The following AKT3 variants were observed in gnomAD, a reference collection of about 807,000 sequenced individuals.
AKT3 encodes RAC-gamma serine/threonine-protein kinase.
A neutral mutation model predicts 65.3 loss-of-function variants in AKT3; 15 were observed. The ratio of observed to expected loss-of-function variants is 0.23; its 90% CI spans 0.15 to 0.35. The LOEUF (loss-of-function observed/expected upper bound fraction) is 0.35, where lower values mean the gene tolerates loss of function less well. Ranked by LOEUF, AKT3 falls within the 10% of genes least tolerant of loss-of-function variation. The pLI is 1.00. For synonymous variants in AKT3, 206 were observed against 183.8 expected (o/e 1.12, Z -0.98); for missense variants, 243 against 576.5 (o/e 0.42, Z 5.92).
intron 13 of AKT3, among the ~76,000 whole-genome samples, chr1:243,491,531 G>A (rs1244040563): frequency 1.3e-5 from 2 of 152,222 alleles, no homozygotes; most frequent in Admixed American, 1.3e-4. Context: ...AGGGATCCAG[G>A]TTTGCAAGCT....
intron 1 of AKT3, among the ~76,000 whole-genome samples, chr1:243,845,572 C>T (rs1299160222): frequency 1.2e-5 from 1 of 85,836 alleles, no homozygotes. Context: ...CTGGGTGCTA[C>T]AGTGAGAACC....
chr1:243,566,244 C>T lies in AKT3; in HGVS notation c.820-2396G>A, dbSNP rs557117625. 7.2e-5 allele frequency among the ~76,000 whole-genome samples: 11 copies of T among 152,244 alleles called. No individual in the cohort carries two copies. The East Asian group carries it at 9.6e-4, about 13-fold the overall frequency. On this transcript the variant is annotated intron_variant, in intron 9 of 13. Transcript: ENST00000673466. ...TGACTTGCATCTAATTCTGTAACCTCGTATCTCATCTCTGAGCCTCAGATC... is the reference window on the plus strand; with the variant it reads ...TGACTTGCATCTAATTCTGTAACCTTGTATCTCATCTCTGAGCCTCAGATC...
intron 2 of AKT3, among the ~76,000 whole-genome samples, chr1:243,721,178 C>T (rs79433907): frequency 0.016 from 2,389 of 152,252 alleles, 32 homozygotes; most frequent in Middle Eastern, 0.034. Context: ...ACCTTTCTGT[C>T]TAGGAACTGG....
chr1:243,715,350 T>C (rs570739525), intron 2 of AKT3, among the ~76,000 whole-genome samples: 1 of 152,252 alleles, frequency 6.6e-6, no homozygotes, highest in East Asian at 1.9e-4. Flanking sequence ...ATGACCAATT[T>C]ACACCTTGGA....
chr1:243,796,593 TTTCTC>T (rs1161273637), intron 2 of AKT3, among the ~76,000 whole-genome samples: 1 of 152,160 alleles, frequency 6.6e-6, no homozygotes, highest in African/African-American at 2.4e-5. Flanking sequence ...TCCAGGCACT[TTTCTC>T]TACTATTAAT....
chr1:243,745,482 A>C (rs1688425417), intron 2 of AKT3, among the ~76,000 whole-genome samples: 1 of 152,228 alleles, frequency 6.6e-6, no homozygotes, highest in South Asian at 2.1e-4. Flanking sequence ...CTTATTTTAC[A>C]AAAACAGGAA....
chr1:243,673,861 C>CTGAG lies in AKT3; in HGVS notation c.173-8979_173-8978insCTCA, dbSNP rs1683322861. ...GTCTCTTGACCTCGTGATCCACCCA[C>CTGAG]CTCAGCCTACCAAAGTGCTGGGATT... On this transcript the variant is annotated intron_variant, in intron 3 of 13. Coordinates refer to ENST00000673466, the MANE Select transcript of AKT3 (RefSeq NM_005465.7). 2.0e-5 allele frequency among the ~76,000 whole-genome samples: 3 copies of CTGAG among 152,274 alleles called. No individual in the cohort carries two copies. In the South Asian group the frequency reaches 6.2e-4, roughly 32 times the overall value.
At chr1:243,694,872 TTAA>T (rs1455762485) in intron 3 of AKT3, among the ~76,000 whole-genome samples, 2 of 152,010 alleles carry the variant, frequency 1.3e-5, no homozygotes, top group African/African-American at 2.4e-5. Context: ...AGATTTTAGC[TTAA>T]TAATACAGAC....
chr1:243,613,226 TCTAC>T (rs1678035990), intron 8 of AKT3, among the ~76,000 whole-genome samples: 1 of 150,828 alleles, frequency 6.6e-6, no homozygotes, highest in Non-Finnish European at 1.5e-5. Flanking sequence ...GTCATAGTAC[TCTAC>T]TATAAAGAAG....
At chr1:243,505,956 G>A (rs1169761942) in intron 13 of AKT3, among the ~76,000 whole-genome samples, 1 of 152,232 alleles carries the variant, frequency 6.6e-6, no homozygotes, top group Non-Finnish European at 1.5e-5. Context: ...AGACTTGAAA[G>A]GCATCAAAAC....
In AKT3 at chr1:243,572,908, CTTTTT is replaced by C. The variant is rs66631932; in HGVS notation, c.819+13_819+17del. The C allele has an allele frequency of 6.6e-6, 10 of 1,504,390 alleles. No individual in the cohort carries two copies. Among genetic ancestry groups the C allele is most frequent in the Admixed American group, 2.0e-5 (1 of 49,300 alleles). 93.2% of individuals were successfully genotyped at this position (1,504,390 alleles called of 1,614,324 possible). A position where few individuals can be genotyped will look rare whatever the true frequency, so the allele number is the denominator to read the frequency against. On this transcript the variant is annotated intron_variant, in intron 9 of 13. Coordinates refer to ENST00000673466, the MANE Select transcript of AKT3 (RefSeq NM_005465.7). ...TCTCTGCAAAAACAAATTTTGATTA[CTTTTT>C]TTTTTTTTTTACCTTGAGATCACGG...
Position 243,563,846 on chromosome 1 carries a change from C to T in AKT3, c.822G>A (p.Leu274=). The change falls in exon 10 of 14, where the codon TTG becomes TTA. Residue 274 remains leucine (L), a splice_region_variant and synonymous_variant. Coordinates refer to ENST00000673466, the MANE Select transcript of AKT3 (RefSeq NM_005465.7). The stretch of plus-strand genomic sequence containing the variant: ...CATCTTTGTCCAGCATTAGATTCTC[C>T]AACTGTGTATTAAGAAAAATGACAT... ...SGKIVYRDLK[L]ENLMLDKDGH... The T allele has an allele frequency of 3.7e-6, 6 of 1,606,546 alleles. No homozygotes were observed. The highest frequency in any genetic ancestry group is 1.7e-6 in the Non-Finnish European group (2 of 1,177,788).
intron 4 of AKT3, among the ~76,000 whole-genome samples, chr1:243,646,503 T>C (rs1680829140): frequency 6.6e-6 from 1 of 151,988 alleles, no homozygotes; most frequent in African/African-American, 2.4e-5. Flanking sequence ...TACAGGCGTG[T>C]GACACAATGC....
At chr1:243,813,468 T>G (rs1387166638) in intron 2 of AKT3, among the ~76,000 whole-genome samples, 1 of 149,444 alleles carries the variant, frequency 6.7e-6, no homozygotes, top group East Asian at 1.9e-4. Flanking sequence ...TACCACCTGT[T>G]CCCCAAACGC....
chr1:243,589,406 G>T (rs537574264), intron 8 of AKT3, among the ~76,000 whole-genome samples: 1 of 151,324 alleles, frequency 6.6e-6, no homozygotes, highest in Admixed American at 6.6e-5. Flanking sequence ...AAATATACAC[G>T]TGGCCAGCAG....
intron 2 of AKT3, among the ~76,000 whole-genome samples, chr1:243,716,536 T>C (rs1686524323): frequency 6.6e-6 from 1 of 152,288 alleles, no homozygotes; most frequent in East Asian, 1.9e-4. Flanking sequence ...TCCAAGACTT[T>C]GGGATGCAAA....
rs374462862 is a variant in AKT3 at position 243,821,611 on chromosome 1, A to G, written c.46+21514T>C. On this transcript the variant is annotated intron_variant, in intron 2 of 13. Coordinates refer to ENST00000673466, the MANE Select transcript of AKT3 (RefSeq NM_005465.7). ...AAAATTTACCAAGCAAATGGAAAGC[A>G]GTAAAAAGCAGAGGTTGCAATCCTA... Among the ~76,000 whole-genome samples the G allele has an allele frequency of 1.2e-4, 18 of 152,340 alleles. No individual in the cohort carries two copies. The East Asian group carries it at 2.7e-3, about 23-fold the overall frequency.
At chr1:243,680,247 T>C (rs928391983) in intron 3 of AKT3, among the ~76,000 whole-genome samples, 2 of 152,100 alleles carry the variant, frequency 1.3e-5, no homozygotes, top group Non-Finnish European at 1.5e-5. Flanking sequence ...TGAGACTTCA[T>C]AGTTGGAAGA....
At chr1:243,625,072 A>G in intron 6 of AKT3, 1 of 269,888 alleles carries the variant, frequency 3.7e-6, no homozygotes, top group Non-Finnish European at 7.3e-6. Context: ...CCCTTTCCCC[A>G]CTTTAGAGAC....
Sources: gnomAD v4.1 joint callset for allele counts (sites outside exome capture counted in the v4.1 genomes callset) on GRCh38, gnomAD v4.1.1 for gene constraint, MANE v1.5 for transcripts, NCBI Gene and HGNC (gene_info 2026-07-23, HGNC 2026-07-21) for gene names.